The following NPHP4 variants were observed in gnomAD, a reference collection of about 807,000 sequenced individuals.
NPHP4 encodes nephrocystin 4.
NPHP4 carries 151 observed loss-of-function variants against 155.8 expected under a neutral mutation model. That is an observed-to-expected ratio of 0.97 (90% CI 0.85 to 1.11). NPHP4 has a LOEUF of 1.11. Ranked by LOEUF, NPHP4 falls within the 50% of genes least tolerant of loss-of-function variation. The probability of loss-of-function intolerance (pLI) is 0.00; values close to 1 mark genes in which losing one functional copy is unlikely to be tolerated. For missense variants in NPHP4, 1,956 were observed against 1,925.7 expected, an observed-to-expected ratio of 1.02 and a Z score of -0.29; for synonymous variants, 845 against 816.8, an observed-to-expected ratio of 1.03 and a Z score of -0.59.
Position 5,874,912 on chromosome 1 carries a change from C to T in NPHP4, c.3006G>A (p.Gln1002=), listed in dbSNP as rs1359976003. The T allele has an allele frequency of 1.2e-6, 2 of 1,613,738 alleles. No individual in the cohort carries two copies. The highest frequency in any genetic ancestry group is 1.7e-5 in the Admixed American group (1 of 60,012). Residue 1002 remains glutamine (Q), a synonymous_variant, in exon 21 of 30, where the codon CAG becomes CAA. Transcript: ENST00000378156. ...EFVLKNPHNT[Q]HTVTVEIDNP... ...TGTCGATCTCCACAGTCACCGTGTG[C>T]TGTGTGTTGTGGGGGTTCTTAAGCA...
intron 22 of NPHP4, among the ~76,000 whole-genome samples, chr1:5,874,166 T>C (rs1490270304): frequency 6.6e-6 from 1 of 151,412 alleles, no homozygotes; most frequent in Non-Finnish European, 1.5e-5. Flanking sequence ...GGAAAGAAGA[T>C]GCTAGAAAAC....
chr1:5,867,191 A>G lies in NPHP4; in HGVS notation c.3473-76T>C. On this transcript the variant is annotated intron_variant, in intron 24 of 29. Transcript: ENST00000378156. This position sits in a 1 kb window ranked among gnomAD's most constrained non-coding sequence, Gnocchi z 4.1. ...GTGGAGAAGGCCCCACACATTACACACTATAGGACAGGACAGGCTCGTCAC... is the reference window on the plus strand; with the variant it reads ...GTGGAGAAGGCCCCACACATTACACGCTATAGGACAGGACAGGCTCGTCAC... 1 of 1,111,364 alleles carries G rather than the reference A, an allele frequency of 9.0e-7. No homozygotes were observed. The allele number at this position is 1,111,364 out of a possible 1,614,324, so 68.8% of individuals were successfully genotyped here.
Position 5,864,024 on chromosome 1 carries a change from T to C in NPHP4, c.4006A>G (p.Ile1336Val), listed in dbSNP as rs760369582. 1.9e-6 allele frequency: 3 copies of C among 1,613,206 alleles called. No individual in the cohort carries two copies. In the Admixed American group the frequency reaches 5.0e-5, roughly 27 times the overall value. ...TTCCCTTCGCCCGCAGCCAACATGA[T>C]CTCAAAGGCCTGTGGAGGGAGGGGA... is the stretch of plus-strand genomic sequence containing the variant. ...RQPLISKAFE[I>V]MLAAGEGKGV... Residue 1336 changes from isoleucine to valine, a missense_variant, in exon 29 of 30, where the codon ATC (isoleucine) becomes GTC (valine). Transcript: ENST00000378156.
chr1:5,978,634 G>A (rs1654126779), intron 2 of NPHP4, among the ~76,000 whole-genome samples: 1 of 152,074 alleles, frequency 6.6e-6, no homozygotes, highest in African/African-American at 2.4e-5. Flanking sequence ...CAGTCCCTTG[G>A]AACAGACACA....
At chr1:5,938,556 G>GA (rs1283719240) in intron 9 of NPHP4, among the ~76,000 whole-genome samples, 1 of 152,236 alleles carries the variant, frequency 6.6e-6, no homozygotes, top group African/African-American at 2.4e-5. Flanking sequence ...ATTCCTGGGG[G>GA]AAAGGAATCC....
At chr1:5,978,995 T>C (rs1478489855) in intron 2 of NPHP4, among the ~76,000 whole-genome samples, 1 of 152,160 alleles carries the variant, frequency 6.6e-6, no homozygotes, top group Non-Finnish European at 1.5e-5. Flanking sequence ...TGAGAAATCA[T>C]GGCTACAAAT....
intron 4 of NPHP4, among the ~76,000 whole-genome samples, chr1:5,968,169 A>T (rs1041800309): frequency 1.3e-5 from 2 of 152,144 alleles, no homozygotes; most frequent in Non-Finnish European, 2.9e-5. Context: ...CAAGAGCTCA[A>T]ATCACTTACC....
intron 19 of NPHP4, 65 bp downstream of exon 19, chr1:5,880,049 A>G: frequency 6.3e-7 from 1 of 1,581,810 alleles, no homozygotes; most frequent in Non-Finnish European, 8.7e-7. Flanking sequence ...ACACACACGC[A>G]GTCTTCCACC....
chr1:5,935,743 T>C (rs1391718274), intron 9 of NPHP4, among the ~76,000 whole-genome samples: 4 of 152,178 alleles, frequency 2.6e-5, no homozygotes, highest in Middle Eastern at 3.4e-3. Flanking sequence ...GGCATGGTTG[T>C]AGGCACCTGT....
chr1:5,865,329 C>G (rs968282219), intron 26 of NPHP4, 56 bp from the exon 27 acceptor site: 1 of 1,430,372 alleles, frequency 7.0e-7, no homozygotes, highest in Non-Finnish European at 9.3e-7. Flanking sequence ...CACCGGCCCA[C>G]GAGAGGCCAA....
intron 3 of NPHP4, among the ~76,000 whole-genome samples, chr1:5,975,555 G>A (rs2102332468): frequency 6.6e-6 from 1 of 152,260 alleles, no homozygotes; most frequent in South Asian, 2.1e-4. Flanking sequence ...TAGTCCCCCG[G>A]GCCCATCCCC....
At chr1:5,980,645 T>C (rs769114108) in intron 2 of NPHP4, among the ~76,000 whole-genome samples, 2 of 152,132 alleles carry the variant, frequency 1.3e-5, no homozygotes, top group Non-Finnish European at 2.9e-5. Flanking sequence ...CGCTGGGCTC[T>C]GCTGCTTTGC....
intron 9 of NPHP4, among the ~76,000 whole-genome samples, chr1:5,933,741 C>A (rs1224163603): frequency 6.6e-6 from 1 of 152,238 alleles, no homozygotes; most frequent in Non-Finnish European, 1.5e-5. Flanking sequence ...AGGAACAGCA[C>A]TTTGAATTCC....
chr1:5,873,437 C>T (rs1219642080), intron 22 of NPHP4, 102 bp from the exon 23 acceptor site: 6 of 869,712 alleles, frequency 6.9e-6, no homozygotes, highest in Non-Finnish European at 1.2e-5. Context: ...GAGCCACCAG[C>T]CTCCTCTCAC....
intron 11 of NPHP4, among the ~76,000 whole-genome samples, chr1:5,916,525 T>C (rs1645480397): frequency 1.3e-5 from 2 of 152,180 alleles, no homozygotes; most frequent in African/African-American, 4.8e-5. Context: ...GAAATCAGGG[T>C]CCATCCATGT....
At chr1:5,954,222 A>C (rs187457681) in intron 6 of NPHP4, among the ~76,000 whole-genome samples, 51 of 152,348 alleles carry the variant, frequency 3.3e-4, no homozygotes, top group Non-Finnish European at 5.9e-4. Context: ...GAAGCAACCA[A>C]ATGTTCAATA....
intron 10 of NPHP4, among the ~76,000 whole-genome samples, chr1:5,930,777 C>A (rs1237759550): frequency 6.6e-6 from 1 of 152,200 alleles, no homozygotes; most frequent in African/African-American, 2.4e-5. Context: ...AAATATCATT[C>A]CGATCCAGTT....
At chr1:5,880,044 C>T (rs1450459415) in intron 19 of NPHP4, 70 bp downstream of exon 19, 7 of 1,568,020 alleles carry the variant, frequency 4.5e-6, no homozygotes, top group African/African-American at 4.1e-5. Flanking sequence ...CACACACACA[C>T]ACGCAGTCTT....
intron 6 of NPHP4, among the ~76,000 whole-genome samples, chr1:5,958,602 G>A (rs1193659046): frequency 6.6e-6 from 1 of 151,978 alleles, no homozygotes; most frequent in Non-Finnish European, 1.5e-5. Flanking sequence ...GGCTGAGGGA[G>A]GAGGATCACT....
Sources: gnomAD v4.1 joint callset for allele counts (sites outside exome capture counted in the v4.1 genomes callset) on GRCh38, gnomAD v4.1.1 for gene constraint, Gnocchi (gnomAD v3.1) non-coding constraint, MANE v1.5 for transcripts, NCBI Gene and HGNC (gene_info 2026-07-23, HGNC 2026-07-21) for gene names.